Variants in PARG observed in about 807,000 individuals in gnomAD.
The protein encoded by PARG is poly(ADP-ribose) glycohydrolase, also known as mitochondrial poly(ADP-ribose) glycohydrolase.
In PARG, 35 loss-of-function variants were observed where a neutral mutation model predicts 113.0. That is an observed-to-expected ratio of 0.31 (90% CI 0.24 to 0.41). The LOEUF (loss-of-function observed/expected upper bound fraction) is 0.41. PARG is among the 10% of genes least tolerant of loss of function. The pLI is 1.00. For missense variants in PARG, 797 were observed against 1,169.4 expected, an observed-to-expected ratio of 0.68 and a Z score of 4.64; for synonymous variants, 330 against 409.9, an observed-to-expected ratio of 0.81 and a Z score of 2.36.
At chr10:49,921,418 TTTC>T (rs1837864111) in intron 6 of PARG, among the ~76,000 whole-genome samples, 2 of 152,280 alleles carry the variant, frequency 1.3e-5, no homozygotes, top group South Asian at 4.1e-4. Context: ...ACAGTCTGCT[TTTC>T]TTTTCTTTTT....
At chr10:49,931,112 T>C (rs1366578060) in intron 4 of PARG, among the ~76,000 whole-genome samples, 1 of 150,860 alleles carries the variant, frequency 6.6e-6, no homozygotes, top group African/African-American at 2.4e-5. Context: ...GTTAGTATAG[T>C]GTTATGATAT....
chr10:49,895,393 AGGGAGAACTGATATCTTTTTTTTTT>A, intron 7 of PARG, among the ~76,000 whole-genome samples: 1 of 151,440 alleles, frequency 6.6e-6, no homozygotes, highest in African/African-American at 2.4e-5. Context: ...AACTGCATAC[AGGGAGAACTGATATCTTTTTTTTTT>A]TTGAGATGGA....
chr10:49,907,352 AT>A (rs1222714359), intron 7 of PARG, among the ~76,000 whole-genome samples: 17 of 152,076 alleles, frequency 1.1e-4, no homozygotes, highest in African/African-American at 3.9e-4. Flanking sequence ...GAGGATGAGT[AT>A]TTTTCTCTAC....
intron 11 of PARG, among the ~76,000 whole-genome samples, chr10:49,863,947 A>G (rs1440181855): frequency 6.9e-6 from 1 of 145,306 alleles, no homozygotes; most frequent in Non-Finnish European, 1.5e-5. Context: ...AGATACATGA[A>G]GGAGGGTCAA....
chr10:49,849,617 T>C (rs1845666879), intron 13 of PARG, among the ~76,000 whole-genome samples: 1 of 152,284 alleles, frequency 6.6e-6, no homozygotes. Context: ...TTGTATACTT[T>C]AAACAAATAG....
At chr10:49,838,566 T>A (rs912027646) in intron 15 of PARG, among the ~76,000 whole-genome samples, 4 of 151,900 alleles carry the variant, frequency 2.6e-5, no homozygotes, top group African/African-American at 9.7e-5. Flanking sequence ...GAACTCACTG[T>A]CTCTAAATGA....
At chr10:49,910,269 G>A (rs539619291) in intron 7 of PARG, among the ~76,000 whole-genome samples, 13 of 152,232 alleles carry the variant, frequency 8.5e-5, no homozygotes, top group Admixed American at 3.3e-4. Context: ...TAACTACAGC[G>A]AAGACAAAAG....
At chr10:49,885,353 A>C (rs1847425558) in intron 7 of PARG, 58 bp from the exon 8 acceptor site, 1 of 1,072,048 alleles carries the variant, frequency 9.3e-7, no homozygotes, top group African/African-American at 1.6e-5. Flanking sequence ...ATAATAACTA[A>C]TGAATATGTT....
chr10:49,941,486 A>C, intron 1 of PARG, 23 bp downstream of exon 1: 1 of 1,517,914 alleles, frequency 6.6e-7, no homozygotes, highest in South Asian at 1.2e-5. Flanking sequence ...GCGAAGGACA[A>C]AGATTTTTAT....
chr10:49,896,483 C>T (rs138115549), intron 7 of PARG, among the ~76,000 whole-genome samples: 2,187 of 152,224 alleles, frequency 0.014, 50 homozygotes, highest in African/African-American at 0.048. Context: ...TGGAGTTTTA[C>T]TATGTTGGCC....
At chr10:49,841,141 T>G (rs1233676501) in intron 15 of PARG, among the ~76,000 whole-genome samples, 1 of 151,930 alleles carries the variant, frequency 6.6e-6, no homozygotes, top group Non-Finnish European at 1.5e-5. Context: ...TAATCTCAGT[T>G]ACTTGGGAGG....
chr10:49,905,042 CAG>C (rs1233134088), intron 7 of PARG, among the ~76,000 whole-genome samples: 3 of 152,240 alleles, frequency 2.0e-5, no homozygotes, highest in African/African-American at 7.2e-5. Context: ...AGAAAAGAAA[CAG>C]TGACATATGT....
chr10:49,839,057 C>A lies in PARG; in HGVS notation c.2541+2893G>T, dbSNP rs138307854. ...AACATTGTCTAAGAAGTTATTTAGG[C>A]CAGGCGTGGTGGCTCACGCCTGTAA... is the stretch of plus-strand genomic sequence containing the variant. On this transcript the variant is annotated intron_variant, in intron 15 of 17. Transcript: ENST00000616448. Among the ~76,000 whole-genome samples the A allele has an allele frequency of 3.0e-4, 46 of 152,276 alleles. No homozygotes were observed. In the East Asian group the frequency reaches 8.7e-3, roughly 29 times the overall value.
At chr10:49,828,092 C>CAAAAACAA (rs1844451271) in intron 16 of PARG, among the ~76,000 whole-genome samples, 1 of 50,408 alleles carries the variant, frequency 2.0e-5, no homozygotes, top group Admixed American at 3.3e-4. Flanking sequence ...AAAGCTTAAA[C>CAAAAACAA]AAAAAAAAAA....
intron 16 of PARG, among the ~76,000 whole-genome samples, chr10:49,828,092 C>CAAAAAAAAAAAAAAAAAAAAA (rs71026274): frequency 4.0e-5 from 2 of 50,410 alleles, no homozygotes; most frequent in African/African-American, 1.6e-4. Context: ...AAAGCTTAAA[C>CAAAAAAAAAAAAAAAAAAAAA]AAAAAAAAAA....
At chr10:49,911,152 G>A (rs547912466) in intron 7 of PARG, among the ~76,000 whole-genome samples, 3 of 152,146 alleles carry the variant, frequency 2.0e-5, no homozygotes, top group East Asian at 1.9e-4. Context: ...GCGTGGTGGT[G>A]GGTGCCTGTA....
intron 7 of PARG, among the ~76,000 whole-genome samples, chr10:49,889,454 T>C (rs1847660972): frequency 1.3e-5 from 2 of 152,190 alleles, no homozygotes; most frequent in Admixed American, 1.3e-4. Flanking sequence ...GGTACCTTGA[T>C]AGTGCTGGGT....
chr10:49,927,264 G>A lies in PARG; in HGVS notation c.1456-4595C>T, dbSNP rs373917361. On this transcript the variant is annotated intron_variant, in intron 4 of 17. Transcript: ENST00000616448. ...AGAGGTTGCAGTGAGCTGAGATTGC[G>A]CCACTGCACTCCAGCCTGGCGACAG... Among the ~76,000 whole-genome samples the A allele has an allele frequency of 1.9e-4, 29 of 151,150 alleles. No homozygotes were observed. The East Asian group carries it at 4.9e-3, about 25-fold the overall frequency.
chr10:49,920,471 T>A (rs1188988424), intron 6 of PARG, among the ~76,000 whole-genome samples: 2,906 of 72,692 alleles, frequency 0.04, 118 homozygotes, highest in African/African-American at 0.095. Context: ...AAAATATATA[T>A]ATATATATAT....
Sources: gnomAD v4.1 joint callset for allele counts (sites outside exome capture counted in the v4.1 genomes callset) on GRCh38, gnomAD v4.1.1 for gene constraint, MANE v1.5 for transcripts, NCBI Gene and HGNC (gene_info 2026-07-23, HGNC 2026-07-21) for gene names.